The following TTC7B variants were observed in gnomAD, a reference collection of about 807,000 sequenced individuals.
TTC7B encodes the protein tetratricopeptide repeat protein 7B.
TTC7B carries 28 observed loss-of-function variants against 106.8 expected under a neutral mutation model. That is an observed-to-expected ratio of 0.26 (90% CI 0.19 to 0.36). The LOEUF (loss-of-function observed/expected upper bound fraction) is 0.36, where lower values mean the gene tolerates loss of function less well. TTC7B is among the 10% of genes least tolerant of loss of function. TTC7B has a pLI of 1.00. For missense variants in TTC7B, 862 were observed against 1,076.4 expected (o/e 0.80, Z 2.79); for synonymous variants, 405 against 430.6 (o/e 0.94, Z 0.74).
At chr14:90,683,832 C>T (rs939895085) in intron 7 of TTC7B, among the ~76,000 whole-genome samples, 2 of 152,178 alleles carry the variant, frequency 1.3e-5, no homozygotes, top group Non-Finnish European at 2.9e-5. Context: ...AGGCAGCCAA[C>T]GGTGTAGCTG....
intron 1 of TTC7B, among the ~76,000 whole-genome samples, chr14:90,788,733 G>A (rs1224844425): frequency 6.6e-6 from 1 of 152,100 alleles, no homozygotes; most frequent in Admixed American, 6.6e-5. Flanking sequence ...GGGAGGCCAA[G>A]GTGGGCAGAT....
At chr14:90,737,125 T>C (rs1889565460) in intron 4 of TTC7B, among the ~76,000 whole-genome samples, 1 of 152,000 alleles carries the variant, frequency 6.6e-6, no homozygotes, top group Non-Finnish European at 1.5e-5. Context: ...TCAGAGCAAA[T>C]ATGATAAAGA....
chr14:90,553,513 C>G (rs369422814), intron 19 of TTC7B, among the ~76,000 whole-genome samples: 1 of 152,156 alleles, frequency 6.6e-6, no homozygotes. Flanking sequence ...GTGATTTCCC[C>G]GGGCAGCCCA....
At chr14:90,766,762 A>G in intron 3 of TTC7B, 1 of 1,572,504 alleles carries the variant, frequency 6.4e-7, no homozygotes, top group Non-Finnish European at 8.7e-7. Context: ...ATGCCAGTAC[A>G]AGATCCCAGA....
intron 14 of TTC7B, chr14:90,645,221 G>C (rs1885385195): frequency 6.6e-6 from 1 of 152,214 alleles, no homozygotes; most frequent in South Asian, 2.1e-4. Context: ...AGAAGGCTAT[G>C]ACTTCTCTTT....
At chr14:90,594,106 G>T (rs1400856647) in intron 17 of TTC7B, among the ~76,000 whole-genome samples, 1 of 152,156 alleles carries the variant, frequency 6.6e-6, no homozygotes, top group Non-Finnish European at 1.5e-5. Context: ...ATTAGTGCAA[G>T]CCTGGCCTTG....
rs371108334 is a variant in TTC7B at position 90,588,034 on chromosome 14, G to A, written c.2107+5452C>T. ...GACACATCTACAGTGTGTGGTAAAC[G>A]TTAGCTGGACGGGCTTGACCCTCAG... On this transcript the variant is annotated intron_variant, in intron 18 of 19. Transcript: ENST00000328459. 4.2e-4 allele frequency among the ~76,000 whole-genome samples: 64 copies of A among 152,336 alleles called. No individual in the cohort carries two copies. The South Asian group carries it at 6.0e-3, about 14-fold the overall frequency.
rs538908446 is a variant in TTC7B, at chr14:90,765,989, T to C, written c.445+14749A>G. ...CTTTTGAGGGCCAGACATTCAAGAC[T>C]AGAGCATTCAAAGGCAACTACATAC... On this transcript the variant is annotated intron_variant, in intron 3 of 19. Transcript: ENST00000328459. 1.5e-3 allele frequency among the ~76,000 whole-genome samples: 230 copies of C among 152,256 alleles called. 1 individual carries two copies. The highest frequency in any genetic ancestry group is 5.2e-3 in the African/African-American group (216 of 41,548).
At position 90,663,345 on chromosome 14, in the gene TTC7B, CA is replaced by C. The variant is rs1212835841; in HGVS notation, c.1153-4959del. Among the ~76,000 whole-genome samples the C allele has an allele frequency of 6.6e-6, 1 of 152,284 alleles. No individual in the cohort carries two copies. Among genetic ancestry groups the C allele is most frequent in the African/African-American group, 2.4e-5 (1 of 41,554 alleles). ...TAATTATATTGTGCCACTCACACTT[CA>C]TTTATCAGGCCCACTCATGCTGCAG... On this transcript the variant is annotated intron_variant, in intron 9 of 19. Transcript: ENST00000328459. The surrounding 1 kb of genome is among the most constrained non-coding windows in gnomAD (Gnocchi z 4.5).
chr14:90,686,035 G>C (rs2139934746), intron 7 of TTC7B, among the ~76,000 whole-genome samples: 1 of 152,174 alleles, frequency 6.6e-6, no homozygotes, highest in East Asian at 1.9e-4. Flanking sequence ...ACCAGACAAA[G>C]ACATCATAAG....
At chr14:90,775,673 T>A (rs1228421525) in intron 3 of TTC7B, among the ~76,000 whole-genome samples, 1 of 152,000 alleles carries the variant, frequency 6.6e-6, no homozygotes, top group Admixed American at 6.6e-5. Flanking sequence ...CCAAGAAACA[T>A]CCCCACATCT....
At chr14:90,685,488 C>T (rs1364258234) in intron 7 of TTC7B, among the ~76,000 whole-genome samples, 1 of 152,108 alleles carries the variant, frequency 6.6e-6, no homozygotes, top group African/African-American at 2.4e-5. Flanking sequence ...TAAATGAAGG[C>T]ATAGGATTCA....
intron 3 of TTC7B, among the ~76,000 whole-genome samples, chr14:90,769,666 G>A (rs575343174): frequency 6.6e-6 from 1 of 152,326 alleles, no homozygotes; most frequent in Admixed American, 6.5e-5. Flanking sequence ...CTACTCGGGA[G>A]GCTGAGGCAA....
Position 90,657,154 on chromosome 14 carries a change from A to AG in TTC7B, c.1341+19dup, listed in dbSNP as rs1378610197. 5.0e-6 allele frequency: 8 copies of AG among 1,600,320 alleles called. No homozygotes were observed. The highest frequency in any genetic ancestry group is 3.3e-5 in the Admixed American group (2 of 59,838). ...CCCAGAGTCCTCTGCAGGAGCGGGGAGGGGGGCGCCCCTACTCACCCAGTG... is the reference window on the plus strand; with the variant it reads ...CCCAGAGTCCTCTGCAGGAGCGGGGAGGGGGGGCGCCCCTACTCACCCAGTG... On this transcript the variant is annotated intron_variant, in intron 11 of 19. Coordinates refer to ENST00000328459, the MANE Select transcript of TTC7B (RefSeq NM_001010854.2). The surrounding 1 kb of genome is among the most constrained non-coding windows in gnomAD (Gnocchi z 4.2).
intron 5 of TTC7B, among the ~76,000 whole-genome samples, chr14:90,701,794 G>GTATATATATA (rs1365407194): frequency 4.0e-5 from 5 of 124,876 alleles, no homozygotes; most frequent in African/African-American, 1.7e-4. Context: ...GTGTGTGTGT[G>GTATATATATA]TGTATATATA....
At chr14:90,774,753 C>T (rs1158143856) in intron 3 of TTC7B, among the ~76,000 whole-genome samples, 2 of 152,162 alleles carry the variant, frequency 1.3e-5, no homozygotes, top group African/African-American at 4.8e-5. Flanking sequence ...AAGAGTCCCC[C>T]GCTAGGCTGG....
chr14:90,714,496 G>A (rs148981021), intron 5 of TTC7B, among the ~76,000 whole-genome samples: 120 of 148,372 alleles, frequency 8.1e-4, no homozygotes, highest in African/African-American at 2.8e-3. Flanking sequence ...CACTCTTGTC[G>A]CTCAGGCTGG....
At chr14:90,730,413 T>C (rs1190809211) in intron 4 of TTC7B, among the ~76,000 whole-genome samples, 2 of 152,280 alleles carry the variant, frequency 1.3e-5, no homozygotes, top group East Asian at 3.9e-4. Flanking sequence ...CACAGGGCCC[T>C]CCTGGTACCG....
chr14:90,637,407 C>T (rs1025656827), intron 15 of TTC7B, among the ~76,000 whole-genome samples: 2 of 151,238 alleles, frequency 1.3e-5, no homozygotes, highest in Admixed American at 6.6e-5. Context: ...GAGAAAAACC[C>T]CCCCCCAGCC....
Sources: allele counts gnomAD v4.1 joint callset (sites outside exome capture counted in the v4.1 genomes callset), GRCh38; gene constraint gnomAD v4.1.1; non-coding constraint Gnocchi (gnomAD v3.1); transcripts MANE v1.5; gene names NCBI Gene and HGNC (gene_info 2026-07-23, HGNC 2026-07-21).